NTN1: variants seen among roughly 807,000 people sequenced by gnomAD.
NTN1 encodes the protein netrin-1.
Under a neutral mutation model 54.2 loss-of-function variants are expected in NTN1, and 11 were observed. That is an observed-to-expected ratio of 0.20 (90% CI 0.13 to 0.34). NTN1 has a LOEUF of 0.34. NTN1 is among the 10% of genes least tolerant of loss of function. NTN1 has a pLI of 1.00. For synonymous variants in NTN1, 371 were observed against 382.0 expected (o/e 0.97, Z 0.33); for missense variants, 740 against 893.1 (o/e 0.83, Z 2.18).
chr17:9,086,724 A>G (rs2092091181), intron 2 of NTN1, among the ~76,000 whole-genome samples: 1 of 151,990 alleles, frequency 6.6e-6, no homozygotes, highest in African/African-American at 2.4e-5. Flanking sequence ...TATCTCCTTT[A>G]CCATCATTGC....
rs59744921 is a variant in NTN1, at chr17:9,165,323, G to A, written c.1207+2322G>A. Among the ~76,000 whole-genome samples the A allele has an allele frequency of 0.013, 2,048 of 152,306 alleles. 48 individuals are homozygous for A. Among genetic ancestry groups the A allele is most frequent in the African/African-American group, 0.046 (1,919 of 41,556 alleles). On this transcript the variant is annotated intron_variant, in intron 3 of 6. Coordinates refer to ENST00000173229, the MANE Select transcript of NTN1 (RefSeq NM_004822.3). This position sits in a 1 kb window ranked among gnomAD's most constrained non-coding sequence, Gnocchi z 4.5. Reference sequence around the variant, plus strand: ...CCTCTCACCACTCAGAGTGAGAGACGTCAGGAAGCCACAGGGTCCCGGGAA... The same window carrying A: ...CCTCTCACCACTCAGAGTGAGAGACATCAGGAAGCCACAGGGTCCCGGGAA...
At chr17:9,233,655 C>G (rs1239857910) in intron 6 of NTN1, among the ~76,000 whole-genome samples, 2 of 151,988 alleles carry the variant, frequency 1.3e-5, no homozygotes, top group Non-Finnish European at 2.9e-5. Flanking sequence ...CTGGAGGAAT[C>G]TAAGCATAGG....
At chr17:9,062,526 C>CT (rs763082828) in intron 2 of NTN1, among the ~76,000 whole-genome samples, 66 of 152,150 alleles carry the variant, frequency 4.3e-4, no homozygotes, top group Non-Finnish European at 8.7e-4. Flanking sequence ...ACACTCGCTT[C>CT]TTTGCAGCCA....
At chr17:9,134,085 T>C (rs1171579460) in intron 2 of NTN1, among the ~76,000 whole-genome samples, 2 of 151,574 alleles carry the variant, frequency 1.3e-5, no homozygotes, top group Non-Finnish European at 2.9e-5. Context: ...TTTGTATTTT[T>C]AGTAGAGACG....
At chr17:9,178,714 C>T (rs1021486168) in intron 3 of NTN1, among the ~76,000 whole-genome samples, 1 of 152,236 alleles carries the variant, frequency 6.6e-6, no homozygotes, top group Admixed American at 6.5e-5. Context: ...GACGACTCCC[C>T]ACTTCCAGCC....
At chr17:9,227,275 C>A (rs1410865063) in intron 6 of NTN1, among the ~76,000 whole-genome samples, 1 of 150,280 alleles carries the variant, frequency 6.7e-6, no homozygotes, top group African/African-American at 2.5e-5. Flanking sequence ...GGCACATATA[C>A]CACATGCACG....
intron 5 of NTN1, among the ~76,000 whole-genome samples, chr17:9,216,488 A>G (rs1905218894): frequency 6.6e-6 from 1 of 152,132 alleles, no homozygotes; most frequent in Non-Finnish European, 1.5e-5. Flanking sequence ...TAGTTGTGAC[A>G]GCAACTTTAT....
At chr17:9,126,216 AAG>A (rs1306158255) in intron 2 of NTN1, among the ~76,000 whole-genome samples, 32 of 152,392 alleles carry the variant, frequency 2.1e-4, no homozygotes, top group African/African-American at 7.5e-4. Flanking sequence ...AGGAAATAAA[AAG>A]AGAGATAGGG....
chr17:9,070,352 C>T (rs1567702764), intron 2 of NTN1, among the ~76,000 whole-genome samples: 1 of 152,150 alleles, frequency 6.6e-6, no homozygotes, highest in Admixed American at 6.5e-5. Context: ...CAGAAAATGT[C>T]ATGCGTGCTT....
chr17:9,218,958 C>A (rs1004199504), intron 5 of NTN1, among the ~76,000 whole-genome samples: 2 of 152,012 alleles, frequency 1.3e-5, no homozygotes, highest in Non-Finnish European at 2.9e-5. Context: ...TTGAAGGCCA[C>A]CCCTGCAAGA....
At position 9,147,068 on chromosome 17, in the gene NTN1, G is replaced by A. The variant is rs76339640; in HGVS notation, c.1019-15745G>A. 5.2e-4 allele frequency among the ~76,000 whole-genome samples: 79 copies of A among 152,242 alleles called. No homozygotes were observed. In the East Asian group the frequency reaches 0.014, roughly 27 times the overall value. On this transcript the variant is annotated intron_variant, in intron 2 of 6. Coordinates refer to ENST00000173229, the MANE Select transcript of NTN1 (RefSeq NM_004822.3). The stretch of plus-strand genomic sequence containing the variant: ...CATCTCTCCATGAGGAAGAGCTTGT[G>A]GCTTTCCCCAGGCTGTTTTCCCTGG...
the NTN1 span, among the ~76,000 whole-genome samples, chr17:9,007,494 CTCTT>C: frequency 6.8e-6 from 1 of 146,098 alleles, no homozygotes; most frequent in African/African-American, 2.5e-5. Context: ...TTCTTTCTTT[CTCTT>C]TATCTTTCTT....
intron 2 of NTN1, among the ~76,000 whole-genome samples, chr17:9,064,431 C>A (rs1306065841): frequency 6.6e-6 from 1 of 152,172 alleles, no homozygotes; most frequent in Non-Finnish European, 1.5e-5. Flanking sequence ...CCCCACAGCT[C>A]CCCATTTCTC....
At chr17:9,037,633 C>T (rs1211748202) in intron 2 of NTN1, among the ~76,000 whole-genome samples, 6 of 152,106 alleles carry the variant, frequency 3.9e-5, no homozygotes, top group African/African-American at 1.4e-4. Flanking sequence ...ATTTTTCTCC[C>T]TCACTGAGGA....
At chr17:9,187,836 A>T (rs1319863351) in intron 5 of NTN1, among the ~76,000 whole-genome samples, 1 of 152,094 alleles carries the variant, frequency 6.6e-6, no homozygotes, top group African/African-American at 2.4e-5. Flanking sequence ...ATCTCAAAAA[A>T]AAAAAGAAAT....
chr17:9,048,871 G>C (rs1010042972), intron 2 of NTN1, among the ~76,000 whole-genome samples: 2 of 152,166 alleles, frequency 1.3e-5, no homozygotes, highest in East Asian at 1.9e-4. Flanking sequence ...GTTCAGGCCG[G>C]TCTCAAACTC....
intron 2 of NTN1, among the ~76,000 whole-genome samples, chr17:9,085,502 G>A (rs917966450): frequency 3.9e-4 from 59 of 152,206 alleles, no homozygotes; most frequent in African/African-American, 1.3e-3. Context: ...GTGACCATGC[G>A]TCCCTTAACT....
chr17:9,239,146 T>G lies in NTN1; in HGVS notation c.1487-494T>G, dbSNP rs975320593. On this transcript the variant is annotated intron_variant, in intron 6 of 6. Transcript: ENST00000173229. The surrounding 1 kb of genome is among the most constrained non-coding windows in gnomAD (Gnocchi z 5.2). ...AGGGTGGGTTCTCATCTTCTGTCCC[T>G]GAGCATTGAGGACCCATTATGGTTT... is the stretch of plus-strand genomic sequence containing the variant. Among the ~76,000 whole-genome samples the G allele has an allele frequency of 1.3e-5, 2 of 152,202 alleles. No individual in the cohort carries two copies. Among genetic ancestry groups the G allele is most frequent in the Non-Finnish European group, 2.9e-5 (2 of 68,026 alleles).
chr17:9,097,332 ATATGAAGATAT>A, intron 2 of NTN1, among the ~76,000 whole-genome samples: 1 of 152,322 alleles, frequency 6.6e-6, no homozygotes, highest in Non-Finnish European at 1.5e-5. Flanking sequence ...ATGTTAAAAA[ATATGAAGATAT>A]TCTGGGCGCG....
Sources: allele counts gnomAD v4.1 joint callset (sites outside exome capture counted in the v4.1 genomes callset), GRCh38; gene constraint gnomAD v4.1.1; non-coding constraint Gnocchi (gnomAD v3.1); transcripts MANE v1.5; gene names NCBI Gene and HGNC (gene_info 2026-07-23, HGNC 2026-07-21).